Variants in EEF1AKMT2 observed in about 807,000 individuals in gnomAD.
EEF1AKMT2 encodes the protein EEF1A lysine methyltransferase 2.
A neutral mutation model predicts 35.8 loss-of-function variants in EEF1AKMT2; 32 were observed. That is an observed-to-expected ratio of 0.89 (90% confidence interval 0.67 to 1.20). The LOEUF is 1.20. Ranked by LOEUF, EEF1AKMT2 falls within the 50% of genes most tolerant of loss-of-function variation. The pLI is 0.00. For missense variants in EEF1AKMT2, 330 were observed against 347.5 expected (o/e 0.95, Z 0.40); for synonymous variants, 121 against 133.7 (o/e 0.91, Z 0.65).
At chr10:124,766,301 A>C (rs1950377592) in intron 4 of EEF1AKMT2, 1 of 152,206 alleles carries the variant, frequency 6.6e-6, no homozygotes, top group Non-Finnish European at 1.5e-5. Context: ...GCCTTTAAAA[A>C]AAAAAAAGAA....
In EEF1AKMT2 at chr10:124,774,374, CAAAAAAAA is replaced by C. The variant is rs57130146; in HGVS notation, c.399+293_399+300del. On this transcript the variant is annotated intron_variant, in intron 4 of 6. Transcript: ENST00000368836. ...TGGGCAACTGAGCGAGACTCAGTCT[CAAAAAAAA>C]AAAAAAAAAAAAAAAAAAAAAAAAA... 5.5e-4 allele frequency among the ~76,000 whole-genome samples: 12 copies of C among 21,706 alleles called. No individual in the cohort carries two copies. The East Asian group carries it at 6.5e-3, about 12-fold the overall frequency. The allele number at this position is 21,706 out of a possible 152,430, so 14.2% of individuals were successfully genotyped here.
At chr10:124,763,350 T>C (rs552212157) in intron 5 of EEF1AKMT2, among the ~76,000 whole-genome samples, 3 of 152,352 alleles carry the variant, frequency 2.0e-5, no homozygotes, top group South Asian at 2.1e-4. Context: ...AACAATTTTA[T>C]GAACATTTAT....
chr10:124,771,299 C>T (rs531688068), intron 4 of EEF1AKMT2, among the ~76,000 whole-genome samples: 115 of 151,808 alleles, frequency 7.6e-4, no homozygotes, highest in Admixed American at 1.2e-3. Flanking sequence ...TGGGGTTTCA[C>T]CATGTTAGCC....
rs1162968557 is a variant in EEF1AKMT2, at chr10:124,789,536, C to T, written c.177-379G>A. 2.0e-5 allele frequency among the ~76,000 whole-genome samples: 3 copies of T among 152,054 alleles called. No homozygotes were observed. In the East Asian group the frequency reaches 5.8e-4, roughly 29 times the overall value. On this transcript the variant is annotated intron_variant, in intron 2 of 6. Transcript: ENST00000368836. ...ACTTTGGAAGGCCACGGTGGGAGGA[C>T]TGCTTGAGGCCAGGAGTTCGAGACC...
intron 3 of EEF1AKMT2, among the ~76,000 whole-genome samples, chr10:124,782,185 GAAA>G (rs1337133119): frequency 6.6e-6 from 1 of 152,070 alleles, no homozygotes; most frequent in African/African-American, 2.4e-5. Context: ...AGCAGGAAAG[GAAA>G]AAGAGAAGAA....
chr10:124,773,452 A>T (rs1334816359), intron 4 of EEF1AKMT2, among the ~76,000 whole-genome samples: 3 of 152,106 alleles, frequency 2.0e-5, no homozygotes, highest in Non-Finnish European at 4.4e-5. Context: ...GGCTAGTCCC[A>T]AACTCCTGAC....
At chr10:124,782,239 G>A (rs1475908605) in intron 3 of EEF1AKMT2, among the ~76,000 whole-genome samples, 2 of 152,194 alleles carry the variant, frequency 1.3e-5, no homozygotes, top group African/African-American at 2.4e-5. Flanking sequence ...GCTCAAGCCT[G>A]TAATCCCAGC....
At chr10:124,788,961 G>A in intron 3 of EEF1AKMT2, 82 bp downstream of exon 3, 1 of 854,106 alleles carries the variant, frequency 1.2e-6, no homozygotes, top group Non-Finnish European at 1.9e-6. Context: ...ATATTTAGAT[G>A]GTTAATATCC....
At chr10:124,771,293 G>A (rs910624365) in intron 4 of EEF1AKMT2, among the ~76,000 whole-genome samples, 2 of 151,718 alleles carry the variant, frequency 1.3e-5, no homozygotes. Context: ...TAGAGATGGG[G>A]TTTCACCATG....
At chr10:124,767,130 C>T (rs1375694809) in intron 4 of EEF1AKMT2, among the ~76,000 whole-genome samples, 1 of 143,318 alleles carries the variant, frequency 7.0e-6, no homozygotes, top group African/African-American at 2.7e-5. Context: ...CATTGCACTC[C>T]AGCCTGGGAA....
chr10:124,786,983 C>T (rs1452306840), intron 3 of EEF1AKMT2, among the ~76,000 whole-genome samples: 4 of 147,768 alleles, frequency 2.7e-5, no homozygotes, highest in African/African-American at 7.5e-5. Context: ...TTTTTTGAGA[C>T]GGAGTCTCAC....
chr10:124,761,183 G>A (rs1255912238), intron 6 of EEF1AKMT2, among the ~76,000 whole-genome samples: 4 of 152,140 alleles, frequency 2.6e-5, no homozygotes, highest in African/African-American at 9.7e-5. Flanking sequence ...TTGAGTTCTT[G>A]CTAAGCGCCA....
intron 1 of EEF1AKMT2, among the ~76,000 whole-genome samples, chr10:124,791,426 C>T (rs1329402784): frequency 2.0e-5 from 3 of 152,130 alleles, no homozygotes; most frequent in African/African-American, 7.2e-5. Context: ...CCCCCTTTCC[C>T]CCAAGCCTGG....
chr10:124,775,729 T>C (rs1424654272), intron 3 of EEF1AKMT2, among the ~76,000 whole-genome samples: 1 of 152,206 alleles, frequency 6.6e-6, no homozygotes, highest in Non-Finnish European at 1.5e-5. Context: ...AATTACTTTC[T>C]ACAGGTAGAT....
rs1399631185 is a variant in EEF1AKMT2 at position 124,790,342 on chromosome 10, T to C, written c.111-4A>G. The C allele has an allele frequency of 5.6e-6, 9 of 1,603,752 alleles. No homozygotes were observed. In the Admixed American group the frequency reaches 6.7e-5, roughly 12 times the overall value. ...TCTCTCATAGACAGCATCCCAACTA[T>C]GTAAACAATGAAATGCAAAGCAAGA... On this transcript the variant is annotated splice_region_variant and splice_polypyrimidine_tract_variant and intron_variant, in intron 1 of 6. Coordinates refer to ENST00000368836, the MANE Select transcript of EEF1AKMT2 (RefSeq NM_212554.4).
At chr10:124,790,379 A>C in intron 1 of EEF1AKMT2, 41 bp from the exon 2 acceptor site, 1 of 1,373,426 alleles carries the variant, frequency 7.3e-7, no homozygotes, top group Non-Finnish European at 1.0e-6. Context: ...TCTTGAATTA[A>C]ACTGTATTAT....
chr10:124,787,260 T>C (rs1950593097), intron 3 of EEF1AKMT2, among the ~76,000 whole-genome samples: 1 of 151,946 alleles, frequency 6.6e-6, no homozygotes, highest in Admixed American at 6.6e-5. Flanking sequence ...AAAGGAATCT[T>C]ATATGGCAAT....
intron 3 of EEF1AKMT2, among the ~76,000 whole-genome samples, chr10:124,779,744 T>A (rs1950522954): frequency 6.1e-5 from 1 of 16,484 alleles, no homozygotes; most frequent in East Asian, 2.2e-3. Flanking sequence ...CGAGACTCCA[T>A]CTCAAAAAAA....
intron 3 of EEF1AKMT2, among the ~76,000 whole-genome samples, chr10:124,782,287 A>C (rs1170875007): frequency 1.3e-5 from 2 of 152,034 alleles, no homozygotes; most frequent in East Asian, 3.9e-4. Context: ...ACCTGAGGTC[A>C]AGAGTTCAAG....
Sources: gnomAD v4.1 joint callset for allele counts (sites outside exome capture counted in the v4.1 genomes callset) on GRCh38, gnomAD v4.1.1 for gene constraint, MANE v1.5 for transcripts, NCBI Gene and HGNC (gene_info 2026-07-23, HGNC 2026-07-21) for gene names.